Variants in CHCHD6 observed in about 807,000 individuals in gnomAD.
CHCHD6 encodes the protein coiled-coil-helix-coiled-coil-helix domain containing 6.
CHCHD6 carries 28 observed loss-of-function variants against 32.3 expected under a neutral mutation model. That is an observed-to-expected ratio of 0.87 (90% CI 0.64 to 1.19). CHCHD6 has a LOEUF of 1.19. Ranked by LOEUF, CHCHD6 falls within the 50% of genes most tolerant of loss-of-function variation. The pLI is 0.00. For missense variants in CHCHD6, 333 were observed against 307.0 expected, an observed-to-expected ratio of 1.08 and a Z score of -0.63; for synonymous variants, 122 against 117.5, an observed-to-expected ratio of 1.04 and a Z score of -0.25.
At chr3:126,891,772 T>G (rs10934793) in intron 5 of CHCHD6, among the ~76,000 whole-genome samples, 1,811 of 152,214 alleles carry the variant, frequency 0.012, 19 homozygotes, top group Middle Eastern at 0.048. Context: ...AGGGGTTAAG[T>G]AAGACAGAGC....
intron 2 of CHCHD6, among the ~76,000 whole-genome samples, chr3:126,729,276 A>G (rs1247643782): frequency 6.6e-6 from 1 of 152,208 alleles, no homozygotes; most frequent in Non-Finnish European, 1.5e-5. Context: ...ATCTTTAAGA[A>G]AGACAACTCA....
chr3:126,861,904 A>G (rs1424186006), intron 5 of CHCHD6, among the ~76,000 whole-genome samples: 1 of 72,666 alleles, frequency 1.4e-5, no homozygotes, highest in Non-Finnish European at 2.8e-5. Context: ...CCCCTCCATG[A>G]CCATCACCAC....
chr3:126,749,872 G>T (rs538386407), intron 4 of CHCHD6, among the ~76,000 whole-genome samples: 1 of 152,342 alleles, frequency 6.6e-6, no homozygotes, highest in East Asian at 1.9e-4. Context: ...GTAGCTGGAT[G>T]CCCAGCCAAA....
At chr3:126,725,270 A>G (rs1328515005) in intron 1 of CHCHD6, among the ~76,000 whole-genome samples, 1 of 152,216 alleles carries the variant, frequency 6.6e-6, no homozygotes, top group Non-Finnish European at 1.5e-5. Context: ...GGAGGCATGA[A>G]AATAACATTC....
intron 5 of CHCHD6, among the ~76,000 whole-genome samples, chr3:126,888,034 C>T (rs1283107208): frequency 1.3e-5 from 2 of 152,136 alleles, no homozygotes; most frequent in Non-Finnish European, 1.5e-5. Context: ...TATATGTGAG[C>T]GGGGGGCTGC....
At chr3:126,808,058 A>G (rs1436556672) in intron 4 of CHCHD6, among the ~76,000 whole-genome samples, 1 of 152,210 alleles carries the variant, frequency 6.6e-6, no homozygotes, top group Non-Finnish European at 1.5e-5. Context: ...TAGCTGATTC[A>G]CTTGCCTTTG....
intron 1 of CHCHD6, among the ~76,000 whole-genome samples, chr3:126,718,281 T>C (rs1935118946): frequency 6.6e-6 from 1 of 152,248 alleles, no homozygotes; most frequent in Non-Finnish European, 1.5e-5. Flanking sequence ...GTGCCTGGTA[T>C]GGATTATAAT....
At chr3:126,897,982 G>A (rs1305786366) in intron 5 of CHCHD6, among the ~76,000 whole-genome samples, 1 of 152,178 alleles carries the variant, frequency 6.6e-6, no homozygotes. Context: ...ACTCCTGCAG[G>A]GTCTCCATGA....
chr3:126,840,606 T>A (rs778468106), intron 4 of CHCHD6, among the ~76,000 whole-genome samples: 43 of 152,188 alleles, frequency 2.8e-4, no homozygotes, highest in Non-Finnish European at 5.1e-4. Flanking sequence ...CCTTGAGATA[T>A]GCCTTTTTAT....
intron 4 of CHCHD6, among the ~76,000 whole-genome samples, chr3:126,783,964 CTT>C (rs1035791084): frequency 1.3e-5 from 2 of 152,134 alleles, no homozygotes; most frequent in African/African-American, 4.8e-5. Context: ...AGAGGGCACT[CTT>C]AATATGAATG....
chr3:126,866,158 G>C (rs960629463), intron 5 of CHCHD6, among the ~76,000 whole-genome samples: 7 of 152,100 alleles, frequency 4.6e-5, no homozygotes, highest in Admixed American at 3.3e-4. Flanking sequence ...TTCTGATCTC[G>C]TAGGGTAGTT....
intron 4 of CHCHD6, among the ~76,000 whole-genome samples, chr3:126,773,787 G>A (rs1937587335): frequency 6.6e-6 from 1 of 151,902 alleles, no homozygotes; most frequent in African/African-American, 2.4e-5. Flanking sequence ...TTGTATTTTA[G>A]TAGAGATGGG....
At chr3:126,787,363 A>C (rs1938268742) in intron 4 of CHCHD6, among the ~76,000 whole-genome samples, 1 of 152,178 alleles carries the variant, frequency 6.6e-6, no homozygotes, top group African/African-American at 2.4e-5. Flanking sequence ...TCTGTGAAAA[A>C]AGTCATTGGT....
chr3:126,953,242 A>G, intron 6 of CHCHD6: 2 of 555,306 alleles, frequency 3.6e-6, no homozygotes, highest in Non-Finnish European at 4.6e-6. Flanking sequence ...CCAGCCTCAG[A>G]CATCTGCCAG....
At chr3:126,886,440 G>A (rs776369608) in intron 5 of CHCHD6, among the ~76,000 whole-genome samples, 3 of 152,254 alleles carry the variant, frequency 2.0e-5, no homozygotes, top group Non-Finnish European at 1.5e-5. Context: ...CACTACTGCC[G>A]GTTATCACTC....
chr3:126,725,432 T>C (rs1038317682), intron 1 of CHCHD6, among the ~76,000 whole-genome samples: 1 of 152,218 alleles, frequency 6.6e-6, no homozygotes, highest in Non-Finnish European at 1.5e-5. Flanking sequence ...TGTTCTGTCA[T>C]CTAGACTCTG....
intron 5 of CHCHD6, among the ~76,000 whole-genome samples, chr3:126,864,105 A>C (rs1363774777): frequency 2.1e-3 from 130 of 61,630 alleles, no homozygotes; most frequent in East Asian, 0.011. Context: ...CCATTACCAC[A>C]TCCTCCACCA....
intron 6 of CHCHD6, among the ~76,000 whole-genome samples, chr3:126,930,886 C>T (rs973615404): frequency 2.1e-4 from 32 of 152,344 alleles, no homozygotes; most frequent in African/African-American, 7.2e-4. Flanking sequence ...ACAGCTCTGG[C>T]TGTTAGAAAA....
At chr3:126,804,731 G>T (rs981101987) in intron 4 of CHCHD6, among the ~76,000 whole-genome samples, 3 of 151,884 alleles carry the variant, frequency 2.0e-5, no homozygotes, top group African/African-American at 7.3e-5. Context: ...CCAAAGCCTG[G>T]CAGAGACACA....
Sources: gnomAD v4.1 joint callset for allele counts (sites outside exome capture counted in the v4.1 genomes callset) on GRCh38, gnomAD v4.1.1 for gene constraint, MANE v1.5 for transcripts, NCBI Gene and HGNC (gene_info 2026-07-23, HGNC 2026-07-21) for gene names.